JAK2: variants seen among roughly 807,000 people sequenced by gnomAD.
The protein encoded by JAK2 is tyrosine-protein kinase JAK2.
Under a neutral mutation model 139.3 loss-of-function variants are expected in JAK2, and 86 were observed. That is an observed-to-expected ratio of 0.62 (90% CI 0.52 to 0.74). The LOEUF (loss-of-function observed/expected upper bound fraction) is 0.74. Ranked by LOEUF, JAK2 falls within the 30% of genes least tolerant of loss-of-function variation. JAK2 has a pLI of 0.00. For synonymous variants in JAK2, 490 were observed against 437.7 expected (o/e 1.12, Z -1.49); for missense variants, 1,421 against 1,360.3 (o/e 1.04, Z -0.70).
At chr9:5,090,164 G>A (rs1278262555) in intron 20 of JAK2, among the ~76,000 whole-genome samples, 6 of 152,142 alleles carry the variant, frequency 3.9e-5, no homozygotes, top group East Asian at 1.9e-4. Context: ...TTTTTTGTTC[G>A]ATATCAATGA....
intron 3 of JAK2, among the ~76,000 whole-genome samples, chr9:5,028,293 G>C (rs1429576510): frequency 2.0e-5 from 3 of 152,190 alleles, no homozygotes; most frequent in African/African-American, 7.2e-5. Flanking sequence ...ATAATACTTG[G>C]ACAGGAATCT....
At chr9:5,029,930 C>A in intron 4 of JAK2, 24 bp downstream of exon 4, 2 of 1,556,138 alleles carry the variant, frequency 1.3e-6, no homozygotes, top group Admixed American at 2.1e-5. Flanking sequence ...TAAAGTAACT[C>A]ACTTAATGCT....
chr9:5,024,965 G>T (rs1279982903), intron 3 of JAK2, among the ~76,000 whole-genome samples: 1 of 152,188 alleles, frequency 6.6e-6, no homozygotes, highest in African/African-American at 2.4e-5. Context: ...GTGGAGCCGG[G>T]GCTGGTGGGC....
rs1323127671 is a variant in JAK2, at chr9:5,099,780, A to G, written c.3059+8869A>G. On this transcript the variant is annotated intron_variant, in intron 22 of 24. Transcript: ENST00000381652. ...CCTGATCCCTTATAATAATATCCCTAATTATCTTCACTGCCTCAACCAACC... is the reference window on the plus strand; with the variant it reads ...CCTGATCCCTTATAATAATATCCCTGATTATCTTCACTGCCTCAACCAACC... 3 of 152,168 alleles carry G rather than the reference A, an allele frequency of 2.0e-5. No individual in the cohort carries two copies. The East Asian group carries it at 5.8e-4, about 29-fold the overall frequency. The allele number at this position is 152,168 out of a possible 1,614,324, so 9.4% of individuals were successfully genotyped here. A position where few individuals can be genotyped will look rare whatever the true frequency, so the allele number is the denominator to read the frequency against.
At chr9:5,023,511 A>G (rs942907497) in intron 3 of JAK2, among the ~76,000 whole-genome samples, 1 of 152,070 alleles carries the variant, frequency 6.6e-6, no homozygotes. Flanking sequence ...GCAGCCCTCT[A>G]TGTGAATTTT....
chr9:5,098,235 G>C (rs779933400), intron 22 of JAK2: 1 of 152,070 alleles, frequency 6.6e-6, no homozygotes, highest in Non-Finnish European at 1.5e-5. Context: ...CCAGAAACTG[G>C]TTTCAAGCCA....
chr9:5,031,756 T>TA, intron 4 of JAK2, among the ~76,000 whole-genome samples: 1 of 152,336 alleles, frequency 6.6e-6, no homozygotes, highest in South Asian at 2.1e-4. Context: ...GGTTTCCTCT[T>TA]AAAATGAAAA....
intron 12 of JAK2, among the ~76,000 whole-genome samples, chr9:5,070,267 T>C (rs577734198): frequency 6.6e-6 from 1 of 152,280 alleles, no homozygotes; most frequent in Non-Finnish European, 1.5e-5. Context: ...TAATTTTCTT[T>C]TTGGAAATTT....
intron 22 of JAK2, among the ~76,000 whole-genome samples, chr9:5,104,810 C>T (rs1407694820): frequency 2.0e-5 from 3 of 152,170 alleles, no homozygotes; most frequent in Non-Finnish European, 4.4e-5. Context: ...ACAAAAACCA[C>T]ATGATTATTT....
intron 22 of JAK2, chr9:5,097,782 A>T (rs891742160): frequency 1.3e-5 from 2 of 152,204 alleles, no homozygotes; most frequent in Admixed American, 6.5e-5. Flanking sequence ...ACTATGTTGT[A>T]GCTCATTTCC....
rs373858105 is a variant in JAK2, at chr9:5,092,045, A to ACAAT, written c.3059+1137_3059+1140dup. Among the ~76,000 whole-genome samples, 185 of 152,264 alleles carry ACAAT rather than the reference A, an allele frequency of 1.2e-3. 1 individual carries two copies. Among genetic ancestry groups the ACAAT allele is most frequent in the African/African-American group, 4.3e-3 (180 of 41,536 alleles). The stretch of plus-strand genomic sequence containing the variant: ...AATTCGGAGAGGATTATCATTAATA[A>ACAAT]CAATCAGAATTGTAAAACAAGGTTG... On this transcript the variant is annotated intron_variant, in intron 22 of 24. Coordinates refer to ENST00000381652, the MANE Select transcript of JAK2 (RefSeq NM_004972.4).
At chr9:5,120,423 A>AT (rs1221169676) in intron 22 of JAK2, among the ~76,000 whole-genome samples, 3 of 152,316 alleles carry the variant, frequency 2.0e-5, no homozygotes, top group African/African-American at 7.2e-5. Context: ...CCATGATATC[A>AT]TTTTTTTAAA....
At chr9:4,984,852 C>A (rs1251188597), upstream of JAK2, 1 of 152,328 alleles carries the variant, frequency 6.6e-6, no homozygotes, top group Non-Finnish European at 1.5e-5. Context: ...GCGCTGGCGC[C>A]TAGCTCCAGC....
intron 22 of JAK2, chr9:5,100,776 C>T (rs920317590): frequency 6.6e-6 from 1 of 152,306 alleles, no homozygotes; most frequent in African/African-American, 2.4e-5. Flanking sequence ...AATCTCAGTA[C>T]TTTGAGGCCC....
intron 22 of JAK2, among the ~76,000 whole-genome samples, chr9:5,118,416 C>T (rs1436334995): frequency 6.6e-6 from 1 of 152,108 alleles, no homozygotes; most frequent in Non-Finnish European, 1.5e-5. Context: ...TAAAAATTTT[C>T]CTGTGACCAA....
At chr9:5,029,031 G>A (rs1351108118) in intron 3 of JAK2, among the ~76,000 whole-genome samples, 2 of 152,158 alleles carry the variant, frequency 1.3e-5, no homozygotes, top group African/African-American at 4.8e-5. Context: ...TGGTGCAGGA[G>A]GCCTGGCTTT....
At chr9:5,113,943 C>A in intron 22 of JAK2, 1 of 252,918 alleles carries the variant, frequency 4.0e-6, no homozygotes, top group Admixed American at 4.8e-5. Flanking sequence ...AGTTCCTGTG[C>A]CTCATCTCTG....
intron 6 of JAK2, among the ~76,000 whole-genome samples, chr9:5,052,428 T>A (rs1817479233): frequency 6.6e-6 from 1 of 152,076 alleles, no homozygotes; most frequent in Admixed American, 6.6e-5. Context: ...TGCTTTACTT[T>A]AAAAATAGTG....
intron 22 of JAK2, chr9:5,098,390 T>C (rs1002637018): frequency 1.2e-4 from 19 of 152,196 alleles, no homozygotes; most frequent in Non-Finnish European, 2.4e-4. Context: ...TCCCCTATCA[T>C]AGAAGAACCG....
Sources: allele counts gnomAD v4.1 joint callset (sites outside exome capture counted in the v4.1 genomes callset), GRCh38; gene constraint gnomAD v4.1.1; transcripts MANE v1.5; gene names NCBI Gene and HGNC (gene_info 2026-07-23, HGNC 2026-07-21).